STX8: variants seen among roughly 807,000 people sequenced by gnomAD.
STX8 encodes syntaxin-8.
In STX8, 23 loss-of-function variants were observed where a neutral mutation model predicts 37.5. That is an observed-to-expected ratio of 0.61 (90% confidence interval 0.44 to 0.87). STX8 has a LOEUF of 0.87. Among genes scored for constraint, STX8 ranks in the 40% least tolerant of loss-of-function variants. The pLI is 0.00. For missense variants in STX8, 313 were observed against 284.7 expected (o/e 1.10, Z -0.71); for synonymous variants, 115 against 99.1 (o/e 1.16, Z -0.95).
At chr17:9,551,892 AGG>A (rs541617389) in intron 3 of STX8, among the ~76,000 whole-genome samples, 1 of 150,970 alleles carries the variant, frequency 6.6e-6, no homozygotes, top group Non-Finnish European at 1.5e-5. Flanking sequence ...CAAAAAAACT[AGG>A]GGGGGGTGTA....
At chr17:9,455,431 C>T (rs1032850519) in intron 6 of STX8, among the ~76,000 whole-genome samples, 98 of 150,034 alleles carry the variant, frequency 6.5e-4, no homozygotes, top group African/African-American at 2.3e-3. Context: ...ACCCAGGAGG[C>T]GGAGGTTGCA....
chr17:9,308,289 G>A, intron 7 of STX8, among the ~76,000 whole-genome samples: 1 of 152,258 alleles, frequency 6.6e-6, no homozygotes, highest in East Asian at 1.9e-4. Flanking sequence ...TTGGAATGAA[G>A]GTCTTATGAT....
chr17:9,467,540 G>T (rs890048619), intron 6 of STX8: 2 of 152,206 alleles, frequency 1.3e-5, no homozygotes, highest in Non-Finnish European at 2.9e-5. Context: ...AGCATGCTTG[G>T]TTAATTGAGA....
intron 7 of STX8, among the ~76,000 whole-genome samples, chr17:9,316,140 T>C (rs1909375217): frequency 6.6e-6 from 1 of 152,184 alleles, no homozygotes; most frequent in Non-Finnish European, 1.5e-5. Context: ...ATGACTTGTC[T>C]AAGTTCAGAT....
At chr17:9,479,013 G>A (rs1906208251) in intron 6 of STX8, among the ~76,000 whole-genome samples, 1 of 152,140 alleles carries the variant, frequency 6.6e-6, no homozygotes, top group African/African-American at 2.4e-5. Flanking sequence ...CCCGACACTA[G>A]AGTGTAGGAA....
At chr17:9,533,296 C>T (rs374092990) in intron 4 of STX8, among the ~76,000 whole-genome samples, 8 of 152,152 alleles carry the variant, frequency 5.3e-5, no homozygotes, top group Middle Eastern at 3.4e-3. Flanking sequence ...GGTCAAACCC[C>T]GTCTCTAATA....
intron 6 of STX8, among the ~76,000 whole-genome samples, chr17:9,433,750 G>A (rs753537148): frequency 3.9e-5 from 6 of 152,250 alleles, no homozygotes; most frequent in Admixed American, 2.6e-4. Flanking sequence ...AACTCTAGCT[G>A]CTCCACAGAG....
intron 7 of STX8, among the ~76,000 whole-genome samples, chr17:9,256,539 C>G (rs1311981875): frequency 6.6e-6 from 1 of 152,212 alleles, no homozygotes; most frequent in East Asian, 1.9e-4. Flanking sequence ...TTTATGCAAA[C>G]CCTCACCTGC....
At chr17:9,512,256 G>A (rs546662938) in intron 4 of STX8, among the ~76,000 whole-genome samples, 31 of 152,110 alleles carry the variant, frequency 2.0e-4, no homozygotes, top group Admixed American at 6.5e-4. Flanking sequence ...AATCTGCATG[G>A]AACCACAAAA....
chr17:9,555,586 A>C (rs1245078048), intron 3 of STX8: 1 of 152,180 alleles, frequency 6.6e-6, no homozygotes, highest in African/African-American at 2.4e-5. Flanking sequence ...AGTCCTGCCC[A>C]TCTGAAACTA....
At chr17:9,265,506 G>A (rs187680998) in intron 7 of STX8, among the ~76,000 whole-genome samples, 14 of 152,342 alleles carry the variant, frequency 9.2e-5, no homozygotes, top group Non-Finnish European at 1.8e-4. Flanking sequence ...AGCCATGCCC[G>A]GCACCATTAC....
At chr17:9,309,230 T>C (rs1289588261) in intron 7 of STX8, among the ~76,000 whole-genome samples, 4 of 152,156 alleles carry the variant, frequency 2.6e-5, no homozygotes, top group Admixed American at 6.5e-5. Flanking sequence ...ACGGAAAATA[T>C]CTTCCACGAA....
intron 6 of STX8, among the ~76,000 whole-genome samples, chr17:9,434,381 C>T (rs1904349852): frequency 6.6e-6 from 1 of 152,178 alleles, no homozygotes; most frequent in African/African-American, 2.4e-5. Flanking sequence ...ATGAAAACAA[C>T]ACAATCAGAT....
At chr17:9,360,996 C>T (rs567082885) in intron 7 of STX8, among the ~76,000 whole-genome samples, 27 of 152,240 alleles carry the variant, frequency 1.8e-4, no homozygotes, top group African/African-American at 6.0e-4. Flanking sequence ...AATTGACCTT[C>T]GTGTTCAGAC....
chr17:9,316,954 T>C (rs986063033), intron 7 of STX8, among the ~76,000 whole-genome samples: 1 of 152,186 alleles, frequency 6.6e-6, no homozygotes, highest in Non-Finnish European at 1.5e-5. Context: ...GTATCAGAAG[T>C]GAAGCATTGC....
intron 7 of STX8, among the ~76,000 whole-genome samples, chr17:9,302,200 T>C (rs1211455918): frequency 6.6e-6 from 1 of 152,188 alleles, no homozygotes; most frequent in Non-Finnish European, 1.5e-5. Context: ...CGTTAATTAG[T>C]ATAAATTTAT....
At chr17:9,343,874 G>C (rs1012398754) in intron 7 of STX8, among the ~76,000 whole-genome samples, 7 of 152,042 alleles carry the variant, frequency 4.6e-5, no homozygotes, top group Non-Finnish European at 8.8e-5. Context: ...GGTTAATACT[G>C]ATGTTAAAAA....
chr17:9,373,007 G>A (rs1911462221), intron 7 of STX8, among the ~76,000 whole-genome samples: 1 of 151,104 alleles, frequency 6.6e-6, no homozygotes, highest in African/African-American at 2.4e-5. Context: ...AGGAGGCTGA[G>A]GCAGGAGAAT....
intron 6 of STX8, among the ~76,000 whole-genome samples, chr17:9,445,953 G>A (rs1296324090): frequency 1.3e-5 from 2 of 149,102 alleles, no homozygotes; most frequent in African/African-American, 2.5e-5. Flanking sequence ...TTCCCGACTC[G>A]GCCTCCCGAG....
Sources: allele counts gnomAD v4.1 joint callset (sites outside exome capture counted in the v4.1 genomes callset), GRCh38; gene constraint gnomAD v4.1.1; transcripts MANE v1.5; gene names NCBI Gene and HGNC (gene_info 2026-07-23, HGNC 2026-07-21).